CACNA2D1: variants seen among roughly 807,000 people sequenced by gnomAD.
CACNA2D1 encodes calcium voltage-gated channel auxiliary subunit alpha2delta 1.
CACNA2D1 carries 53 observed loss-of-function variants against 171.5 expected under a neutral mutation model. That is an observed-to-expected ratio of 0.31 (90% CI 0.25 to 0.39). The LOEUF is 0.39. CACNA2D1 is among the 10% of genes least tolerant of loss of function. The probability of loss-of-function intolerance (pLI) is 1.00; values close to 1 mark genes in which losing one functional copy is unlikely to be tolerated. For missense variants in CACNA2D1, 903 were observed against 1,299.8 expected (o/e 0.69, Z 4.69); for synonymous variants, 442 against 443.1 (o/e 1.00, Z 0.03).
intron 25 of CACNA2D1, among the ~76,000 whole-genome samples, chr7:81,973,435 T>A (rs1795502404): frequency 6.6e-6 from 1 of 152,036 alleles, no homozygotes; most frequent in African/African-American, 2.4e-5. Context: ...AGGAAGTTAT[T>A]TCTTCTCATA....
At chr7:82,361,598 C>G (rs566996901) in intron 1 of CACNA2D1, among the ~76,000 whole-genome samples, 46 of 151,992 alleles carry the variant, frequency 3.0e-4, no homozygotes, top group African/African-American at 1.0e-3. Flanking sequence ...AAAAGCAGGT[C>G]AAAATCTAGG....
chr7:81,963,919 G>A, intron 34 of CACNA2D1, 137 bp downstream of exon 34: 1 of 702,080 alleles, frequency 1.4e-6, no homozygotes, highest in Non-Finnish European at 2.5e-6. Context: ...ATTACCAATA[G>A]GTGATGTAAA....
intron 4 of CACNA2D1, among the ~76,000 whole-genome samples, chr7:82,144,829 T>G (rs1792796214): frequency 6.6e-6 from 1 of 152,032 alleles, no homozygotes; most frequent in South Asian, 2.1e-4. Flanking sequence ...TACATTTTGA[T>G]TGCATGCTTG....
At chr7:82,369,634 C>T (rs2129448085) in intron 1 of CACNA2D1, among the ~76,000 whole-genome samples, 1 of 151,918 alleles carries the variant, frequency 6.6e-6, no homozygotes, top group South Asian at 2.1e-4. Context: ...AAGCAAAATC[C>T]TATATAAAAT....
At chr7:82,211,164 C>G (rs1800509357) in intron 3 of CACNA2D1, among the ~76,000 whole-genome samples, 1 of 151,416 alleles carries the variant, frequency 6.6e-6, no homozygotes, top group Non-Finnish European at 1.5e-5. Context: ...AATCAATTTC[C>G]CTTGGGACAG....
intron 3 of CACNA2D1, among the ~76,000 whole-genome samples, chr7:82,245,881 G>A (rs1804860682): frequency 6.6e-6 from 1 of 151,992 alleles, no homozygotes; most frequent in African/African-American, 2.4e-5. Flanking sequence ...TTCAATGATA[G>A]TTTGTAGTTT....
chr7:81,981,896 G>C (rs1783450237), intron 24 of CACNA2D1, among the ~76,000 whole-genome samples: 1 of 151,948 alleles, frequency 6.6e-6, no homozygotes, highest in African/African-American at 2.4e-5. Context: ...CCAGAAAGTT[G>C]AATTAGACCA....
At chr7:82,108,538 G>C (rs1280562113) in intron 6 of CACNA2D1, among the ~76,000 whole-genome samples, 2 of 152,134 alleles carry the variant, frequency 1.3e-5, no homozygotes, top group Admixed American at 1.3e-4. Flanking sequence ...ACACAATTCA[G>C]TCTAAAGCAA....
chr7:82,051,737 C>A (rs1321662123), intron 10 of CACNA2D1, among the ~76,000 whole-genome samples: 1 of 152,184 alleles, frequency 6.6e-6, no homozygotes, highest in East Asian at 1.9e-4. Flanking sequence ...AACTCCCTCA[C>A]ATTCATAAAC....
intron 4 of CACNA2D1, among the ~76,000 whole-genome samples, chr7:82,153,109 G>C (rs1794022517): frequency 6.7e-6 from 1 of 149,628 alleles, no homozygotes; most frequent in Non-Finnish European, 1.5e-5. Flanking sequence ...ATTACTTTCA[G>C]ACAGGCACTA....
In CACNA2D1 at chr7:82,181,551, G is replaced by T. The variant is rs547712324; in HGVS notation, c.295-10942C>A. On this transcript the variant is annotated intron_variant, in intron 3 of 38. Coordinates refer to ENST00000356860, the MANE Select transcript of CACNA2D1 (RefSeq NM_000722.4). ...AATCTATGGGTTAACAAACATCCAG[G>T]TTATTCTAATGTGCATTGAAGTTTG... 6.6e-5 allele frequency among the ~76,000 whole-genome samples: 10 copies of T among 152,276 alleles called. No homozygotes were observed. In the South Asian group the frequency reaches 1.9e-3, roughly 28 times the overall value.
chr7:82,321,242 T>C (rs1314585343), intron 3 of CACNA2D1, among the ~76,000 whole-genome samples: 1 of 151,828 alleles, frequency 6.6e-6, no homozygotes, highest in Non-Finnish European at 1.5e-5. Context: ...CTACTAAAAA[T>C]ACAAAAATTA....
intron 11 of CACNA2D1, among the ~76,000 whole-genome samples, chr7:82,034,020 T>G (rs1230113486): frequency 6.6e-6 from 1 of 152,104 alleles, no homozygotes; most frequent in African/African-American, 2.4e-5. Flanking sequence ...ATATCTGACA[T>G]TAATCCTAAT....
At chr7:82,383,554 C>T (rs2237527) in intron 1 of CACNA2D1, among the ~76,000 whole-genome samples, 74,043 of 152,034 alleles carry the variant, frequency 0.49, 18,360 homozygotes, top group Middle Eastern at 0.65. Flanking sequence ...ATGGACAGTA[C>T]CCTTGGTCTT....
At chr7:82,320,511 G>A (rs73164284) in intron 3 of CACNA2D1, among the ~76,000 whole-genome samples, 3 of 151,686 alleles carry the variant, frequency 2.0e-5, no homozygotes, top group Non-Finnish European at 2.9e-5. Flanking sequence ...TTCTGGGCTC[G>A]AGTGATCTTC....
intron 3 of CACNA2D1, among the ~76,000 whole-genome samples, chr7:82,295,491 T>C (rs545560976): frequency 2.0e-5 from 3 of 151,846 alleles, no homozygotes; most frequent in Non-Finnish European, 4.4e-5. Context: ...TGTACACCAC[T>C]ATGCACTATA....
chr7:82,288,759 G>T (rs1341645967), intron 3 of CACNA2D1, among the ~76,000 whole-genome samples: 1 of 152,160 alleles, frequency 6.6e-6, no homozygotes, highest in Non-Finnish European at 1.5e-5. Flanking sequence ...GAGCATGCTG[G>T]ATATCAGAGT....
intron 10 of CACNA2D1, among the ~76,000 whole-genome samples, chr7:82,055,220 A>G (rs1273689041): frequency 6.6e-6 from 1 of 152,158 alleles, no homozygotes; most frequent in African/African-American, 2.4e-5. Flanking sequence ...AGAATATAAA[A>G]TTCTGGATTC....
At chr7:82,048,026 TCATCTGTACA>T (rs1804750851) in intron 10 of CACNA2D1, among the ~76,000 whole-genome samples, 1 of 152,144 alleles carries the variant, frequency 6.6e-6, no homozygotes, top group Non-Finnish European at 1.5e-5. Context: ...AAGTAATTTC[TCATCTGTACA>T]CATCTACAAG....
Sources: allele counts gnomAD v4.1 joint callset (sites outside exome capture counted in the v4.1 genomes callset), GRCh38; gene constraint gnomAD v4.1.1; transcripts MANE v1.5; gene names NCBI Gene and HGNC (gene_info 2026-07-23, HGNC 2026-07-21).